IL1RAPL1: variants seen among roughly 807,000 people sequenced by gnomAD.
The protein encoded by IL1RAPL1 is interleukin-1 receptor accessory protein-like 1.
A neutral mutation model predicts 48.4 loss-of-function variants in IL1RAPL1; 3 were observed. The ratio of observed to expected loss-of-function variants is 0.06; its 90% CI spans 0.03 to 0.16. The LOEUF (loss-of-function observed/expected upper bound fraction) is 0.16. Ranked by LOEUF, IL1RAPL1 falls within the 10% of genes least tolerant of loss-of-function variation. The pLI, the probability that IL1RAPL1 is intolerant of heterozygous loss-of-function variation, is 1.00. For synonymous variants in IL1RAPL1, 185 were observed against 187.7 expected, an observed-to-expected ratio of 0.99 and a Z score of 0.12; for missense variants, 349 against 530.6, an observed-to-expected ratio of 0.66 and a Z score of 3.36.
chrX:29,680,820 G>A (rs1926429071), intron 6 of IL1RAPL1, among the ~76,000 whole-genome samples: 1 of 111,241 alleles, frequency 9.0e-6, no homozygotes, highest in South Asian at 3.8e-4. Context: ...AACTAATACT[G>A]ACATCCTTTC....
intron 1 of IL1RAPL1, among the ~76,000 whole-genome samples, chrX:28,733,092 GGTGTGT>G (rs776955168): frequency 3.1e-4 from 33 of 107,731 alleles, no homozygotes; most frequent in Non-Finnish European, 5.6e-4. Context: ...TTATTATACA[GGTGTGT>G]GTGTGTGTGT....
intron 5 of IL1RAPL1, among the ~76,000 whole-genome samples, chrX:29,435,009 CTG>C (rs774336548): frequency 5.5e-4 from 61 of 110,960 alleles, no homozygotes; most frequent in African/African-American, 1.9e-3. Flanking sequence ...CAATTTCTGT[CTG>C]TGGATTTGCC....
At chrX:29,037,622 C>CA (rs1277970426) in intron 2 of IL1RAPL1, among the ~76,000 whole-genome samples, 1 of 111,486 alleles carries the variant, frequency 9.0e-6, no homozygotes, top group Non-Finnish European at 1.9e-5. Context: ...GATAATGACT[C>CA]ACATTATAAT....
At chrX:29,865,667 T>C (rs1402794843) in intron 6 of IL1RAPL1, among the ~76,000 whole-genome samples, 1 of 98,573 alleles carries the variant, frequency 1.0e-5, no homozygotes, top group African/African-American at 3.8e-5. Context: ...GACAGAGTCT[T>C]CCTCTGTCAA....
intron 1 of IL1RAPL1, among the ~76,000 whole-genome samples, chrX:28,618,866 G>C (rs1366625406): frequency 9.0e-6 from 1 of 111,563 alleles, no homozygotes; most frequent in Non-Finnish European, 1.9e-5. Flanking sequence ...AGATAATATT[G>C]TGGGTGGTGA....
intron 3 of IL1RAPL1, among the ~76,000 whole-genome samples, chrX:29,304,383 T>C (rs1054805631): frequency 8.9e-5 from 10 of 111,984 alleles, no homozygotes; most frequent in Non-Finnish European, 1.9e-5. Context: ...TTTCTGGCCC[T>C]TTGAAATTCA....
chrX:29,777,692 T>G (rs1019993684), intron 6 of IL1RAPL1, among the ~76,000 whole-genome samples: 1 of 111,333 alleles, frequency 9.0e-6, no homozygotes, highest in Admixed American at 9.6e-5. Flanking sequence ...TTAATAGAGA[T>G]AACAATTAGA....
chrX:29,698,013 A>G (rs746602325), intron 6 of IL1RAPL1, among the ~76,000 whole-genome samples: 3 of 110,854 alleles, frequency 2.7e-5, no homozygotes, highest in Non-Finnish European at 5.7e-5. Context: ...TAAACACGAA[A>G]CATAAGGTCC....
chrX:29,614,178 T>G, intron 5 of IL1RAPL1, among the ~76,000 whole-genome samples: 1 of 111,727 alleles, frequency 9.0e-6, no homozygotes, highest in Middle Eastern at 4.6e-3. Flanking sequence ...CTGGAGTAAT[T>G]ACATCCGCTG....
intron 2 of IL1RAPL1, among the ~76,000 whole-genome samples, chrX:28,896,772 C>T (rs112847545): frequency 6.3e-4 from 69 of 109,428 alleles, no homozygotes; most frequent in African/African-American, 1.5e-3. Context: ...AGAGAACAAG[C>T]GGGAGGGAAA....
intron 6 of IL1RAPL1, among the ~76,000 whole-genome samples, chrX:29,760,684 G>A (rs952897148): frequency 2.7e-5 from 3 of 110,762 alleles, no homozygotes; most frequent in African/African-American, 6.6e-5. Flanking sequence ...GTAATACTGG[G>A]CACCTGGACA....
At chrX:29,721,259 G>A (rs980869252) in intron 6 of IL1RAPL1, among the ~76,000 whole-genome samples, 2 of 111,710 alleles carry the variant, frequency 1.8e-5, no homozygotes, top group African/African-American at 6.5e-5. Context: ...ACATGGGTTA[G>A]ATAATATGAG....
rs1456958611 is a variant in IL1RAPL1, at chrX:28,588,363, A to C, written c.-25+316A>C. Among the ~76,000 whole-genome samples the C allele has an allele frequency of 2.7e-5, 3 of 111,065 alleles. No homozygotes were observed. In the Admixed American group the frequency reaches 2.9e-4, roughly 11 times the overall value. On this transcript the variant is annotated intron_variant, in intron 1 of 10. Coordinates refer to ENST00000378993, the MANE Select transcript of IL1RAPL1 (RefSeq NM_014271.4). Reference sequence around the variant, plus strand: ...TGATATGGAAGAGTGTCTTGAATTAATTCTGGGTAGACACTCTTTGTTTGA... The same window carrying C: ...TGATATGGAAGAGTGTCTTGAATTACTTCTGGGTAGACACTCTTTGTTTGA...
intron 6 of IL1RAPL1, among the ~76,000 whole-genome samples, chrX:29,740,879 A>G (rs1174368973): frequency 8.9e-6 from 1 of 112,166 alleles, no homozygotes; most frequent in African/African-American, 3.2e-5. Flanking sequence ...GGTGAACCAC[A>G]TTTCTTGCCC....
intron 6 of IL1RAPL1, among the ~76,000 whole-genome samples, chrX:29,777,967 A>G (rs149134911): frequency 0.026 from 2,905 of 109,688 alleles, 76 homozygotes; most frequent in African/African-American, 0.091. Context: ...GTTTTCATTT[A>G]TACTATTGTA....
intron 2 of IL1RAPL1, among the ~76,000 whole-genome samples, chrX:28,963,112 C>T (rs1280391772): frequency 9.0e-6 from 1 of 111,106 alleles, no homozygotes; most frequent in Non-Finnish European, 1.9e-5. Flanking sequence ...AATTTCTTGG[C>T]TGAAAATTCA....
intron 2 of IL1RAPL1, 115 bp downstream of exon 2, chrX:28,789,540 A>C: frequency 1.9e-6 from 1 of 535,910 alleles, no homozygotes; most frequent in East Asian, 3.6e-5. Context: ...AATATTGTGG[A>C]GATATTGTAG....
intron 5 of IL1RAPL1, among the ~76,000 whole-genome samples, chrX:29,558,828 A>T: frequency 9.0e-6 from 1 of 111,622 alleles, no homozygotes; most frequent in East Asian, 2.8e-4. Flanking sequence ...CTTGTTGAAG[A>T]TCAGTTGACT....
At chrX:28,875,240 A>G (rs1371585470) in intron 2 of IL1RAPL1, among the ~76,000 whole-genome samples, 1 of 111,978 alleles carries the variant, frequency 8.9e-6, no homozygotes, top group Non-Finnish European at 1.9e-5. Context: ...TTCCTTTAGC[A>G]TTGACTTTTA....
Sources: allele counts gnomAD v4.1 joint callset (sites outside exome capture counted in the v4.1 genomes callset), GRCh38; gene constraint gnomAD v4.1.1; transcripts MANE v1.5; gene names NCBI Gene and HGNC (gene_info 2026-07-23, HGNC 2026-07-21).